The following HTRA2 variants were observed in gnomAD, a reference collection of about 807,000 sequenced individuals.
HTRA2 encodes serine protease HTRA2, mitochondrial.
HTRA2 carries 24 observed loss-of-function variants against 42.2 expected under a neutral mutation model. The observed-to-expected ratio is 0.57, with a 90% confidence interval of 0.41 to 0.80. The LOEUF (loss-of-function observed/expected upper bound fraction) is 0.80. HTRA2 is among the 30% of genes least tolerant of loss of function. The pLI, the probability that HTRA2 is intolerant of heterozygous loss-of-function variation, is 0.00. For missense variants in HTRA2, 466 were observed against 613.5 expected (o/e 0.76, Z 2.54); for synonymous variants, 245 against 255.8 (o/e 0.96, Z 0.40).
At chr2:74,531,830 G>A in intron 5 of HTRA2, 26 bp from the exon 6 acceptor site, 2 of 1,613,416 alleles carry the variant, frequency 1.2e-6, no homozygotes, top group African/African-American at 2.7e-5. Flanking sequence ...GTAGCTGGGT[G>A]GGGCTCATTT....
chr2:74,533,456 G>A (rs1675774604), downstream of HTRA2: 5 of 668,244 alleles, frequency 7.5e-6, no homozygotes, highest in Non-Finnish European at 1.3e-5. Flanking sequence ...GAAGGAGGGT[G>A]AAAACTTCTG....
At chr2:74,532,494 T>A in intron 6 of HTRA2, 125 bp from the exon 7 acceptor site, 2 of 758,786 alleles carry the variant, frequency 2.6e-6, no homozygotes, top group Admixed American at 2.0e-5. Context: ...TGCCATTGTA[T>A]TTTGTAGTAC....
At position 74,532,938 on chromosome 2, in the gene HTRA2, G is replaced by C; in HGVS notation, c.1330G>C (p.Gly444Arg). Residue 444 changes from glycine (G) to arginine (R), a missense_variant, in exon 8 of 8, where the codon GGA becomes CGA. By Grantham distance (125) the Gly-to-Arg change is moderately radical. Around this residue, in one of 3 missense-constraint regions of HTRA2, gnomAD observed 129 missense variants for 163.1 expected, o/e 0.79. Transcript: ENST00000258080. ...QSQLAVQIRR[G>R]RETLTLYVTP... ...CCAGTTGGCAGTGCAGATCCGGCGG[G>C]GACGAGAAACACTGACCTTATATGT... 6.2e-7 allele frequency: 1 copy of C among 1,613,932 alleles called. No individual in the cohort carries two copies. Among genetic ancestry groups the C allele is most frequent in the South Asian group, 1.1e-5 (1 of 91,052 alleles).
chr2:74,529,417 G>A, upstream of HTRA2: 1 of 1,594,072 alleles, frequency 6.3e-7, no homozygotes, highest in Non-Finnish European at 8.5e-7. Context: ...TGGATCCCGA[G>A]AAAGAGGCGC....
At position 74,532,607 on chromosome 2, in the gene HTRA2, G is replaced by A. The variant is rs187449105; in HGVS notation, c.1116-12G>A. 1.2e-5 allele frequency: 20 copies of A among 1,611,658 alleles called. No individual in the cohort carries two copies. In the East Asian group the frequency reaches 4.0e-4, roughly 32 times the overall value. On this transcript the variant is annotated splice_polypyrimidine_tract_variant and intron_variant, in intron 6 of 7. Transcript: ENST00000258080. ...CTGGGTTTGGCTAATAGGGTGATCT[G>A]TGTACTTTCAGCATCCTTGCTGAAC... is the stretch of plus-strand genomic sequence containing the variant.
In HTRA2 at chr2:74,531,028, T is replaced by G; in HGVS notation, c.829T>G (p.Ser277Ala). The change falls in exon 3 of 8, where the codon TCT (serine) becomes GCT (alanine). Residue 277 changes from serine to alanine, a missense_variant. By Grantham distance (99) the Ser-to-Ala change is moderately conservative. Around this residue, in one of 3 missense-constraint regions of HTRA2, gnomAD observed 115 missense variants for 245.4 expected, o/e 0.47. Transcript: ENST00000258080. ...CACGATCACATCCGGCATTGTTAGCTCTGCTCAGCGTCCAGCCAGAGACCT... is the reference window on the plus strand; with the variant it reads ...CACGATCACATCCGGCATTGTTAGCGCTGCTCAGCGTCCAGCCAGAGACCT... ...QNTITSGIVSSAQRPARDLGL... is the reference protein window; with the variant it reads ...QNTITSGIVSAAQRPARDLGL... 6.2e-7 allele frequency: 1 copy of G among 1,614,202 alleles called. No homozygotes were observed. Among genetic ancestry groups the G allele is most frequent in the Non-Finnish European group, 8.5e-7 (1 of 1,180,030 alleles).
upstream of HTRA2, chr2:74,529,882 G>A (rs1572993369): frequency 7.0e-7 from 1 of 1,434,404 alleles, no homozygotes; most frequent in African/African-American, 1.4e-5. Flanking sequence ...CCGGAATCCT[G>A]GTCCCGGCGT....
At chr2:74,532,543 A>T (rs1261229929) in intron 6 of HTRA2, 76 bp from the exon 7 acceptor site, 1 of 1,098,712 alleles carries the variant, frequency 9.1e-7, no homozygotes, top group East Asian at 2.4e-5. Context: ...CAATGTGTTG[A>T]TGAGAGACTT....
Position 74,533,157 on chromosome 2 carries a change from A to T in HTRA2, c.*172A>T. Reference sequence around the variant, plus strand: ...ATCACAGAAACACTTTTTATATAAAATAAAATTATACCTAGCAACATATTA... The same window carrying T: ...ATCACAGAAACACTTTTTATATAAATTAAAATTATACCTAGCAACATATTA... On this transcript the variant is annotated 3_prime_UTR_variant, in exon 8 of 8. Coordinates refer to ENST00000258080, the MANE Select transcript of HTRA2 (RefSeq NM_013247.5). 3.2e-6 allele frequency: 2 copies of T among 622,476 alleles called. No individual in the cohort carries two copies. Among genetic ancestry groups the T allele is most frequent in the South Asian group, 3.9e-5 (2 of 51,164 alleles). 38.6% of individuals were successfully genotyped at this position (622,476 alleles called of 1,614,324 possible).
At position 74,531,691 on chromosome 2, in the gene HTRA2, G is replaced by A; in HGVS notation, c.1034G>A (p.Gly345Glu). ...CGTCTTCGAGAGTTTCTGCATCGTG[G>A]GGAAAAGAAGAGTGAGCCTGCCTTA... is the stretch of plus-strand genomic sequence containing the variant. ...SDRLREFLHR[G>E]EKKNSSSGIS... The change falls in exon 5 of 8, where the codon GGG becomes GAG. Residue 345 changes from glycine to glutamate, a missense_variant. This residue lies in a region of HTRA2 where 129 missense variants were observed against 163.1 expected (regional missense o/e 0.79). Transcript: ENST00000258080. 1 of 1,614,044 alleles carries A rather than the reference G, an allele frequency of 6.2e-7. No individual in the cohort carries two copies. The highest frequency in any genetic ancestry group is 2.2e-5 in the East Asian group (1 of 44,884).
In HTRA2 at chr2:74,530,316, C is replaced by G. The variant is rs1258283301; in HGVS notation, c.310C>G (p.Arg104Gly). 1.2e-5 allele frequency: 19 copies of G among 1,597,448 alleles called. No homozygotes were observed. The highest frequency in any genetic ancestry group is 1.6e-5 in the Non-Finnish European group (19 of 1,170,046). ...EASENSGTRS[R>G]AWLAVALGAG... is the part of the protein sequence containing the mutation. ...CTCAGAGAACTCTGGAACCCGTTCG[C>G]GCGCGTGGCTGGCGGTGGCGCTGGG... is the stretch of plus-strand genomic sequence containing the variant. The change falls in exon 1 of 8, where the codon CGC becomes GGC. Residue 104 changes from arginine to glycine, a missense_variant. Physicochemically the swap from Arg to Gly is moderately radical, Grantham distance 125 (BLOSUM62 -2). Coordinates refer to ENST00000258080, the MANE Select transcript of HTRA2 (RefSeq NM_013247.5). The surrounding 1 kb of genome is among the most constrained non-coding windows in gnomAD (Gnocchi z 7.4).
At chr2:74,529,473 AG>A, upstream of HTRA2, 1 of 1,555,966 alleles carries the variant, frequency 6.4e-7, no homozygotes, top group Non-Finnish European at 8.7e-7. Flanking sequence ...CAGCAGCACG[AG>A]CAGTAGGAAG....
Position 74,533,001 on chromosome 2 carries a change from T to G in HTRA2, c.*16T>G. 1 of 1,611,296 alleles carries G rather than the reference T, an allele frequency of 6.2e-7. No individual in the cohort carries two copies. The highest frequency in any genetic ancestry group is 8.5e-7 in the Non-Finnish European group (1 of 1,178,532). On this transcript the variant is annotated 3_prime_UTR_variant, in exon 8 of 8. Coordinates refer to ENST00000258080, the MANE Select transcript of HTRA2 (RefSeq NM_013247.5). Reference sequence around the variant, plus strand: ...CACAGAATGAATAGATCACCAAGAGTATGAGGCTCCTGCTCTGATTTCCTC... The same window carrying G: ...CACAGAATGAATAGATCACCAAGAGGATGAGGCTCCTGCTCTGATTTCCTC...
chr2:74,531,683 G>C lies in HTRA2; in HGVS notation c.1026G>C (p.Leu342=), dbSNP rs1338493583. 1.9e-6 allele frequency: 3 copies of C among 1,613,996 alleles called. No homozygotes were observed. Among genetic ancestry groups the C allele is most frequent in the Non-Finnish European group, 2.5e-6 (3 of 1,180,054 alleles). The part of the protein sequence containing the change: ...AIPSDRLREF[L]HRGEKKNSSS... ...CTTCTGATCGTCTTCGAGAGTTTCT[G>C]CATCGTGGGGAAAAGAAGAGTGAGC... The change falls in exon 5 of 8, where the codon CTG becomes CTC. Residue 342 remains leucine, a synonymous_variant. Transcript: ENST00000258080.
At chr2:74,532,753 G>T in intron 7 of HTRA2, 39 bp downstream of exon 7, 1 of 1,612,494 alleles carries the variant, frequency 6.2e-7, no homozygotes, top group Non-Finnish European at 8.5e-7. Flanking sequence ...GGATGGGCAA[G>T]GTGTGCATGT....
rs150047108 is a variant in HTRA2, at chr2:74,530,221, T to C, written c.215T>C (p.Leu72Pro). Residue 72 changes from leucine (L) to proline (P), a missense_variant, in exon 1 of 8, where the codon CTG (leucine) becomes CCG (proline). Transcript: ENST00000258080. This position sits in a 1 kb window ranked among gnomAD's most constrained non-coding sequence, Gnocchi z 7.4. The stretch of plus-strand genomic sequence containing the variant: ...GGGGTCACTGAACCCCGAGCATGCC[T>C]GACGTCTGGGACCCCGGGTCCCCGG... Reference protein sequence around the residue: ...SVGVTEPRACLTSGTPGPRAQ... With the variant: ...SVGVTEPRACPTSGTPGPRAQ... 5,454 of 1,610,606 alleles carry C rather than the reference T, an allele frequency of 3.4e-3. 16 individuals carry two copies. Among genetic ancestry groups the C allele is most frequent in the South Asian group, 4.0e-3 (363 of 90,684 alleles).
Position 74,530,431 on chromosome 2 carries a change from C to A in HTRA2, c.425C>A (p.Ser142Tyr). ...LAAVPSPPPA[S>Y]PRSQYNFIAD... ...GCCGTCCCTAGCCCGCCGCCCGCTT[C>A]TCCCCGGAGTCAGTACAACTTCATC... Residue 142 changes from serine to tyrosine, a missense_variant, in exon 1 of 8, where the codon TCT becomes TAT. By Grantham distance (144) the Ser-to-Tyr change is moderately radical. Around this residue, in one of 3 missense-constraint regions of HTRA2, gnomAD observed 222 missense variants for 205.1 expected, o/e 1.08. Coordinates refer to ENST00000258080, the MANE Select transcript of HTRA2 (RefSeq NM_013247.5). The surrounding 1 kb of genome is among the most constrained non-coding windows in gnomAD (Gnocchi z 7.4). 3.7e-6 allele frequency: 6 copies of A among 1,604,598 alleles called. No homozygotes were observed. Among genetic ancestry groups the A allele is most frequent in the Non-Finnish European group, 4.2e-6 (5 of 1,179,252 alleles).
At chr2:74,531,492 C>A (rs1443408269) in intron 4 of HTRA2, 105 bp from the exon 5 acceptor site, 1 of 1,606,404 alleles carries the variant, frequency 6.2e-7, no homozygotes, top group African/African-American at 1.3e-5. Context: ...GGCTATCTCT[C>A]AATATCCAAC....
Position 74,533,263 on chromosome 2 carries a change from G to A in HTRA2, c.*278G>A, listed in dbSNP as rs111827916. 1.1e-4 allele frequency: 61 copies of A among 543,254 alleles called. No homozygotes were observed. Among genetic ancestry groups the A allele is most frequent in the Admixed American group, 2.9e-4 (9 of 31,398 alleles). The allele number at this position is 543,254 out of a possible 1,614,324, so 33.7% of individuals were successfully genotyped here. On this transcript the variant is annotated 3_prime_UTR_variant, in exon 8 of 8. Transcript: ENST00000258080. The stretch of plus-strand genomic sequence containing the variant: ...TAAAGCTGTATCCCCCTAAACTTAG[G>A]GGAGATACTGGAGCTGACCATCCTG...
Sources: gnomAD v4.1 joint callset for allele counts on GRCh38, gnomAD v4.1.1 for gene constraint, gnomAD v4.1.1 regional missense constraint, Gnocchi (gnomAD v3.1) non-coding constraint, MANE v1.5 for transcripts, NCBI Gene and HGNC (gene_info 2026-07-23, HGNC 2026-07-21) for gene names.